Variants in PSORS1C1 observed in about 807,000 individuals in gnomAD.
PSORS1C1 encodes psoriasis susceptibility 1 candidate 1.
Under a neutral mutation model 9.4 loss-of-function variants are expected in PSORS1C1, and 7 were observed. The observed-to-expected ratio is 0.75, with a 90% CI of 0.42 to 1.40. The LOEUF (loss-of-function observed/expected upper bound fraction) is 1.40, where lower values mean the gene tolerates loss of function less well. Among genes scored for constraint, PSORS1C1 ranks in the 40% most tolerant of loss-of-function variants. PSORS1C1 has a pLI of 0.01. For synonymous variants in PSORS1C1, 63 were observed against 69.4 expected, an observed-to-expected ratio of 0.91 and a Z score of 0.46; for missense variants, 146 against 178.1, an observed-to-expected ratio of 0.82 and a Z score of 1.02.
intron 3 of PSORS1C1, 161 bp from the exon 4 acceptor site, chr6:31,138,269 G>A (rs1270737177): frequency 2.5e-6 from 4 of 1,579,278 alleles, no homozygotes; most frequent in East Asian, 2.2e-5. Flanking sequence ...GGTCCTCTGC[G>A]GGTGGGTGAG....
chr6:31,117,355 C>A lies in PSORS1C1; in HGVS notation c.-229+2464C>A. ...GGATCCGCTGGAGCTACCACTGGAG[C>A]CACCACCAGAGCTTCTGGCACTGGA... On this transcript the variant is annotated intron_variant, in intron 1 of 5. Coordinates refer to ENST00000259881, the MANE Select transcript of PSORS1C1 (RefSeq NM_014068.3). The A allele has an allele frequency of 2.5e-6, 4 of 1,577,446 alleles. No homozygotes were observed. The highest frequency in any genetic ancestry group is 3.4e-6 in the Non-Finnish European group (4 of 1,161,350).
rs757572350 is a variant in PSORS1C1, at chr6:31,139,073, C to T, written c.167+294C>T. On this transcript the variant is annotated intron_variant, in intron 5 of 5. Coordinates refer to ENST00000259881, the MANE Select transcript of PSORS1C1 (RefSeq NM_014068.3). This position sits in a 1 kb window ranked among gnomAD's most constrained non-coding sequence, Gnocchi z 5.2. ...GCTGGGGTGGGCTGAGTCTGGGTGC[C>T]TGGGAACCCCAAGAGGCTTTATAGG... 4 of 1,564,708 alleles carry T rather than the reference C, an allele frequency of 2.6e-6. No individual in the cohort carries two copies. The highest frequency in any genetic ancestry group is 3.5e-6 in the Non-Finnish European group (4 of 1,135,698).
intron 1 of PSORS1C1, chr6:31,118,564 G>C (rs921191897): frequency 6.6e-6 from 1 of 152,576 alleles, no homozygotes; most frequent in Non-Finnish European, 1.5e-5. Flanking sequence ...CAGGGATGTG[G>C]AGCCACATCT....
At chr6:31,116,178 G>A (rs1772102565) in intron 1 of PSORS1C1, 7 of 1,612,610 alleles carry the variant, frequency 4.3e-6, no homozygotes, top group Non-Finnish European at 5.9e-6. Flanking sequence ...CACCAGCGGA[G>A]GGATCAGGAT....
intron 3 of PSORS1C1, among the ~76,000 whole-genome samples, chr6:31,134,447 C>T (rs183694742): frequency 1.7e-4 from 26 of 151,980 alleles, no homozygotes; most frequent in African/African-American, 9.7e-5. Flanking sequence ...GGACTACAGG[C>T]GCCGGCCACC....
chr6:31,134,601 G>A (rs1773069810), intron 3 of PSORS1C1, among the ~76,000 whole-genome samples: 5 of 151,044 alleles, frequency 3.3e-5, no homozygotes, highest in Admixed American at 1.3e-4. Flanking sequence ...CACCGCGCCT[G>A]GCCTCTCATA....
At chr6:31,135,846 G>A (rs966721300) in intron 3 of PSORS1C1, among the ~76,000 whole-genome samples, 1 of 152,014 alleles carries the variant, frequency 6.6e-6, no homozygotes, top group African/African-American at 2.4e-5. Context: ...AGACAAGCCC[G>A]GGCAACACGG....
chr6:31,127,407 C>T (rs1272754862), intron 2 of PSORS1C1, among the ~76,000 whole-genome samples: 2 of 152,076 alleles, frequency 1.3e-5, no homozygotes, highest in Non-Finnish European at 2.9e-5. Context: ...AGAGAGGCAT[C>T]TCGTGTCCCG....
rs1477062300 is a variant in PSORS1C1 at position 31,128,748 on chromosome 6, T to A, written c.-64-821T>A. ...ATACCAAAGCGAGTCTTGGGTCTAA[T>A]AATTTTGAAACATGAAATTGGCAGA... On this transcript the variant is annotated intron_variant, in intron 2 of 5. Coordinates refer to ENST00000259881, the MANE Select transcript of PSORS1C1 (RefSeq NM_014068.3). This position sits in a 1 kb window ranked among gnomAD's most constrained non-coding sequence, Gnocchi z 4.3. Among the ~76,000 whole-genome samples, 1 of 152,218 alleles carries A rather than the reference T, an allele frequency of 6.6e-6. No homozygotes were observed. The highest frequency in any genetic ancestry group is 6.5e-5 in the Admixed American group (1 of 15,280).
chr6:31,121,174 G>A (rs1301885357), intron 1 of PSORS1C1, among the ~76,000 whole-genome samples: 3 of 54,942 alleles, frequency 5.5e-5, no homozygotes, highest in Admixed American at 1.9e-4. Flanking sequence ...TGGCGGGGGT[G>A]GGGGGGTGCT....
intron 1 of PSORS1C1, chr6:31,118,843 C>T (rs9263664): frequency 0.76 from 91,041 of 120,178 alleles, 35,230 homozygotes; most frequent in East Asian, 0.83. Flanking sequence ...TCTTCTTCTT[C>T]TTTTTTTTTT....
chr6:31,116,655 A>C (rs1772144871), intron 1 of PSORS1C1: 2 of 1,612,892 alleles, frequency 1.2e-6, no homozygotes, highest in East Asian at 2.2e-5. Flanking sequence ...AGTAGCCCAC[A>C]GGGTAGATTT....
At chr6:31,134,127 C>T (rs13212902) in intron 3 of PSORS1C1, among the ~76,000 whole-genome samples, 17,269 of 149,364 alleles carry the variant, frequency 0.12, 1,085 homozygotes, top group Middle Eastern at 0.22. Context: ...TACAGGCGCC[C>T]GCCACCATGC....
chr6:31,130,158 G>C (rs1295315143), intron 3 of PSORS1C1, among the ~76,000 whole-genome samples: 1 of 152,024 alleles, frequency 6.6e-6, no homozygotes, highest in African/African-American at 2.4e-5. Context: ...TTATTGGCTT[G>C]AGGGTCAGTT....
intron 3 of PSORS1C1, among the ~76,000 whole-genome samples, chr6:31,130,262 T>A (rs1451002476): frequency 1.0e-5 from 1 of 99,974 alleles, no homozygotes; most frequent in African/African-American, 3.9e-5. Context: ...CTAGGCACAA[T>A]TTTTTTTTTT....
rs1772766213 is a variant in PSORS1C1, at chr6:31,128,160, A to C, written c.-64-1409A>C. On this transcript the variant is annotated intron_variant, in intron 2 of 5. Transcript: ENST00000259881. The surrounding 1 kb of genome is among the most constrained non-coding windows in gnomAD (Gnocchi z 4.3). ...TCGCCTCACATGCCTGGCTCACCTT[A>C]GAACGGTCACCTTGACGGCTAAAGG... 6.6e-6 allele frequency among the ~76,000 whole-genome samples: 1 copy of C among 152,216 alleles called. No homozygotes were observed. Among genetic ancestry groups the C allele is most frequent in the Non-Finnish European group, 1.5e-5 (1 of 68,042 alleles).
chr6:31,136,426 T>C (rs113073979), intron 3 of PSORS1C1, among the ~76,000 whole-genome samples: 1 of 151,276 alleles, frequency 6.6e-6, no homozygotes, highest in African/African-American at 2.4e-5. Context: ...AAAATGAATC[T>C]CTTAATGAGA....
At chr6:31,120,257 G>A in intron 1 of PSORS1C1, 3 of 1,138,682 alleles carry the variant, frequency 2.6e-6, no homozygotes, top group Non-Finnish European at 3.9e-6. Flanking sequence ...CAGAGCCCCT[G>A]CCTGTCCCCT....
chr6:31,130,885 G>T (rs1772883099), intron 3 of PSORS1C1, among the ~76,000 whole-genome samples: 1 of 151,418 alleles, frequency 6.6e-6, no homozygotes, highest in African/African-American at 2.4e-5. Flanking sequence ...TTAGAGATGG[G>T]GTCTTGCTGT....
Sources: allele counts gnomAD v4.1 joint callset (sites outside exome capture counted in the v4.1 genomes callset), GRCh38; gene constraint gnomAD v4.1.1; non-coding constraint Gnocchi (gnomAD v3.1); transcripts MANE v1.5; gene names NCBI Gene and HGNC (gene_info 2026-07-23, HGNC 2026-07-21).